Variants in BACH2 observed in about 807,000 individuals in gnomAD.
BACH2 encodes transcription regulator protein BACH2.
In BACH2, 5 loss-of-function variants were observed where a neutral mutation model predicts 61.8. That is an observed-to-expected ratio of 0.08 (90% confidence interval 0.04 to 0.17). The LOEUF is 0.17. Ranked by LOEUF, BACH2 falls within the 10% of genes least tolerant of loss-of-function variation. BACH2 has a pLI of 1.00. For missense variants in BACH2, 824 were observed against 1,091.1 expected (o/e 0.76, Z 3.45); for synonymous variants, 446 against 440.1 (o/e 1.01, Z -0.17).
chr6:90,081,512 A>ACATT (rs766554274), intron 5 of BACH2, among the ~76,000 whole-genome samples: 14 of 152,176 alleles, frequency 9.2e-5, no homozygotes, highest in Non-Finnish European at 1.8e-4. Flanking sequence ...TGAATTGAGC[A>ACATT]CATTCATTCA....
intron 5 of BACH2, among the ~76,000 whole-genome samples, chr6:90,038,210 A>G (rs1582244624): frequency 6.6e-6 from 1 of 152,312 alleles, no homozygotes; most frequent in South Asian, 2.1e-4. Context: ...AGAAAAGTAT[A>G]CCAACCATAA....
intron 5 of BACH2, among the ~76,000 whole-genome samples, chr6:90,067,338 G>A (rs1781012235): frequency 6.6e-6 from 1 of 152,208 alleles, no homozygotes; most frequent in Non-Finnish European, 1.5e-5. Context: ...AGCAGGTTAG[G>A]GTCAGACAGC....
chr6:90,060,760 T>G (rs1286932787), intron 5 of BACH2, among the ~76,000 whole-genome samples: 2 of 152,146 alleles, frequency 1.3e-5, no homozygotes, highest in Non-Finnish European at 2.9e-5. Flanking sequence ...TAAATTACAT[T>G]TGCTTTATCT....
intron 4 of BACH2, among the ~76,000 whole-genome samples, chr6:90,100,702 G>GACACACAC (rs372719418): frequency 6.2e-5 from 4 of 64,252 alleles, no homozygotes; most frequent in East Asian, 5.4e-4. Context: ...CACACACACA[G>GACACACAC]ACACACACAC....
intron 4 of BACH2, among the ~76,000 whole-genome samples, chr6:90,200,775 G>A (rs1375318446): frequency 6.6e-6 from 1 of 152,018 alleles, no homozygotes; most frequent in Non-Finnish European, 1.5e-5. Context: ...TAGCCTTCCG[G>A]TCTTTTTATC....
chr6:89,936,848 G>C (rs931406053), intron 8 of BACH2, among the ~76,000 whole-genome samples: 1 of 152,152 alleles, frequency 6.6e-6, no homozygotes, highest in Admixed American at 6.5e-5. Context: ...GAGGCCAGGA[G>C]GTGCTGCAAA....
At chr6:90,011,025 G>A (rs1777675048) in intron 5 of BACH2, among the ~76,000 whole-genome samples, 1 of 152,106 alleles carries the variant, frequency 6.6e-6, no homozygotes, top group East Asian at 1.9e-4. Flanking sequence ...TTCCCAGTCT[G>A]TAGCTTGTCT....
At chr6:90,002,288 T>C (rs947511429) in intron 6 of BACH2, among the ~76,000 whole-genome samples, 3 of 152,178 alleles carry the variant, frequency 2.0e-5, no homozygotes, top group African/African-American at 7.2e-5. Context: ...TGGGACTTCT[T>C]TTCCTTTCTA....
rs71027920 is a variant in BACH2, at chr6:90,065,270, C to CTTTTTTTTTTTTTTTTTTTTTTTTTTTTT, written c.-13+23662_-13+23690dup. ...GCCACCCCACCCCCTGCCGCCCCCACTTTTTTTTTTTTTTTTTTTTTTTTT... is the reference window on the plus strand; with the variant it reads ...GCCACCCCACCCCCTGCCGCCCCCACTTTTTTTTTTTTTTTTTTTTTTTTTTTTTTTTTTTTTTTTTTTTTTTTTTTTTT... On this transcript the variant is annotated intron_variant, in intron 5 of 8. Coordinates refer to ENST00000257749, the MANE Select transcript of BACH2 (RefSeq NM_021813.4). Among the ~76,000 whole-genome samples the CTTTTTTTTTTTTTTTTTTTTTTTTTTTTT allele has an allele frequency of 9.5e-5, 5 of 52,666 alleles. 1 individual carries two copies. Among genetic ancestry groups the CTTTTTTTTTTTTTTTTTTTTTTTTTTTTT allele is most frequent in the Non-Finnish European group, 1.7e-4 (5 of 29,580 alleles). The allele number at this position is 52,666 out of a possible 152,430, so 34.6% of individuals were successfully genotyped here. A position where few individuals can be genotyped will look rare whatever the true frequency, so the allele number is the denominator to read the frequency against.
intron 4 of BACH2, among the ~76,000 whole-genome samples, chr6:90,105,807 A>G (rs1279000929): frequency 1.3e-5 from 2 of 152,232 alleles, no homozygotes; most frequent in Non-Finnish European, 2.9e-5. Flanking sequence ...TTTAGTCACC[A>G]AAATCTGCTT....
At chr6:90,178,914 G>A (rs900911777) in intron 4 of BACH2, among the ~76,000 whole-genome samples, 1 of 152,152 alleles carries the variant, frequency 6.6e-6, no homozygotes, top group Non-Finnish European at 1.5e-5. Context: ...GTTCCGCAGG[G>A]GACCACATAT....
rs1474948432 is a variant in BACH2, at chr6:89,951,657, T to C, written c.449A>G (p.Gln150Arg). The part of the protein sequence containing the change: ...LFVCRKDAAC[Q>R]RPHEDCENSA... The stretch of plus-strand genomic sequence containing the variant: ...GTTCTCGCAGTCCTCGTGTGGGCGC[T>C]GGCACGCAGCATCCTTCCGGCACAC... Residue 150 changes from glutamine (Q) to arginine (R), a missense_variant, in exon 7 of 9, where the codon CAG becomes CGG. By Grantham distance (43) the Gln-to-Arg change is conservative. Around this residue, in one of 8 missense-constraint regions of BACH2, gnomAD observed 107 missense variants for 121.7 expected, o/e 0.88. Transcript: ENST00000257749. This position sits in a 1 kb window ranked among gnomAD's most constrained non-coding sequence, Gnocchi z 6.4. The C allele has an allele frequency of 6.2e-7, 1 of 1,614,212 alleles. No individual in the cohort carries two copies. The highest frequency in any genetic ancestry group is 1.7e-5 in the Admixed American group (1 of 60,030).
chr6:90,188,559 A>C (rs1927435), intron 4 of BACH2, among the ~76,000 whole-genome samples: 1 of 152,120 alleles, frequency 6.6e-6, no homozygotes, highest in East Asian at 1.9e-4. Flanking sequence ...ACAAGTATAC[A>C]CGGTACAAAA....
chr6:90,026,228 G>T (rs1019359276), intron 5 of BACH2, among the ~76,000 whole-genome samples: 3 of 152,172 alleles, frequency 2.0e-5, no homozygotes, highest in African/African-American at 7.2e-5. Flanking sequence ...GTAATTAGTG[G>T]ACTTCAGATG....
At chr6:90,230,416 T>C (rs539579944) in intron 3 of BACH2, among the ~76,000 whole-genome samples, 1 of 152,324 alleles carries the variant, frequency 6.6e-6, no homozygotes, top group African/African-American at 2.4e-5. Context: ...TTGATGCATA[T>C]AAAGGGCTTA....
At chr6:89,938,442 A>G (rs1773160646) in intron 7 of BACH2, 92 bp from the exon 8 acceptor site, 2 of 1,042,676 alleles carry the variant, frequency 1.9e-6, no homozygotes, top group Non-Finnish European at 2.8e-6. Context: ...CCTTTTTATG[A>G]TGACCAAGTA....
intron 4 of BACH2, among the ~76,000 whole-genome samples, chr6:90,166,560 T>C (rs1767625439): frequency 6.6e-6 from 1 of 152,210 alleles, no homozygotes; most frequent in African/African-American, 2.4e-5. Flanking sequence ...ACTGGGTATA[T>C]ACCCAAAGGA....
intron 3 of BACH2, among the ~76,000 whole-genome samples, chr6:90,211,341 C>T (rs1303205480): frequency 1.3e-5 from 2 of 152,026 alleles, no homozygotes; most frequent in Non-Finnish European, 2.9e-5. Context: ...CTCCTGGTGA[C>T]AATTCCACAT....
At chr6:89,936,769 T>C (rs1481710124) in intron 8 of BACH2, among the ~76,000 whole-genome samples, 1 of 152,144 alleles carries the variant, frequency 6.6e-6, no homozygotes, top group Non-Finnish European at 1.5e-5. Context: ...CTTGATAACA[T>C]ATAACATCCT....
Sources: allele counts gnomAD v4.1 joint callset (sites outside exome capture counted in the v4.1 genomes callset), GRCh38; gene constraint gnomAD v4.1.1; regional missense constraint gnomAD v4.1.1; non-coding constraint Gnocchi (gnomAD v3.1); transcripts MANE v1.5; gene names NCBI Gene and HGNC (gene_info 2026-07-23, HGNC 2026-07-21).